The following IPCEF1 variants were observed in gnomAD, a reference collection of about 807,000 sequenced individuals.
IPCEF1 encodes the protein interaction protein for cytohesin exchange factors 1.
IPCEF1 carries 31 observed loss-of-function variants against 50.9 expected under a neutral mutation model. The observed-to-expected ratio is 0.61, with a 90% CI of 0.46 to 0.82. The LOEUF (loss-of-function observed/expected upper bound fraction) is 0.82, where lower values mean the gene tolerates loss of function less well. Among genes scored for constraint, IPCEF1 ranks in the 40% least tolerant of loss-of-function variants. The pLI, the probability that IPCEF1 is intolerant of heterozygous loss-of-function variation, is 0.00. For synonymous variants in IPCEF1, 181 were observed against 192.0 expected (o/e 0.94, Z 0.47); for missense variants, 458 against 514.0 (o/e 0.89, Z 1.05).
chr6:154,272,600 T>C (rs1377178143), intron 2 of IPCEF1, among the ~76,000 whole-genome samples: 1 of 152,250 alleles, frequency 6.6e-6, no homozygotes, highest in Non-Finnish European at 1.5e-5. Flanking sequence ...AGAAAATATG[T>C]TTTGTTAGCA....
intron 2 of IPCEF1, among the ~76,000 whole-genome samples, chr6:154,288,521 G>C (rs1441400631): frequency 1.3e-5 from 2 of 151,918 alleles, no homozygotes; most frequent in South Asian, 2.1e-4. Context: ...AAATTAACCC[G>C]GTGTGGCGGC....
intron 2 of IPCEF1, among the ~76,000 whole-genome samples, chr6:154,286,612 G>C (rs1782366355): frequency 6.6e-6 from 1 of 152,212 alleles, no homozygotes; most frequent in South Asian, 2.1e-4. Context: ...GTGTTTGGAT[G>C]TGTGTAGAAA....
At chr6:154,301,790 G>A (rs575776909) in intron 1 of IPCEF1, among the ~76,000 whole-genome samples, 15 of 152,214 alleles carry the variant, frequency 9.9e-5, no homozygotes, top group Admixed American at 9.8e-4. Context: ...CACATTTTAA[G>A]ATTAAGTATC....
chr6:154,224,572 A>G (rs993076639), intron 5 of IPCEF1, among the ~76,000 whole-genome samples: 1 of 152,100 alleles, frequency 6.6e-6, no homozygotes, highest in African/African-American at 2.4e-5. Flanking sequence ...TTAGCTGGTC[A>G]TGGTGGTGGG....
intron 5 of IPCEF1, among the ~76,000 whole-genome samples, chr6:154,228,036 A>G (rs1219395992): frequency 6.6e-6 from 1 of 152,126 alleles, no homozygotes; most frequent in Non-Finnish European, 1.5e-5. Context: ...AAATCTTGAG[A>G]GAATGACAGT....
intron 1 of IPCEF1, among the ~76,000 whole-genome samples, chr6:154,334,116 G>A (rs1284033277): frequency 6.6e-6 from 1 of 152,198 alleles, no homozygotes; most frequent in Non-Finnish European, 1.5e-5. Flanking sequence ...TTATGGGGTA[G>A]ATGGGTCAGA....
intron 10 of IPCEF1, among the ~76,000 whole-genome samples, chr6:154,195,211 G>A (rs1341477528): frequency 1.4e-5 from 2 of 142,696 alleles, no homozygotes; most frequent in Non-Finnish European, 3.0e-5. Flanking sequence ...GCAGTGGCAC[G>A]ATCTCGGCTC....
At chr6:154,162,053 T>G (rs115237870) in intron 11 of IPCEF1, among the ~76,000 whole-genome samples, 1,988 of 152,294 alleles carry the variant, frequency 0.013, 58 homozygotes, top group African/African-American at 0.045. Context: ...TTCTCCCAAG[T>G]TCCTATTGCC....
At chr6:154,244,614 G>A (rs1374882674) in intron 5 of IPCEF1, among the ~76,000 whole-genome samples, 6 of 152,050 alleles carry the variant, frequency 3.9e-5, no homozygotes, top group Non-Finnish European at 4.4e-5. Context: ...GCTGCTCCTT[G>A]TGGAAGCATG....
chr6:154,197,985 G>T (rs999398716), intron 10 of IPCEF1, among the ~76,000 whole-genome samples: 1 of 152,088 alleles, frequency 6.6e-6, no homozygotes, highest in Non-Finnish European at 1.5e-5. Flanking sequence ...CAAGATAGAG[G>T]TCATCTAGTT....
At position 154,222,335 on chromosome 6, in the gene IPCEF1, G is replaced by A. The variant is rs181268192; in HGVS notation, c.320+835C>T. 2.0e-5 allele frequency among the ~76,000 whole-genome samples: 3 copies of A among 152,234 alleles called. No individual in the cohort carries two copies. In the East Asian group the frequency reaches 5.8e-4, roughly 29 times the overall value. Reference sequence around the variant, plus strand: ...TGGACATGTGCAACCACACCACAGAGGCAAAGACTTAAAGCTAACACCAGT... The same window carrying A: ...TGGACATGTGCAACCACACCACAGAAGCAAAGACTTAAAGCTAACACCAGT... On this transcript the variant is annotated intron_variant, in intron 6 of 11. Coordinates refer to ENST00000367220, the MANE Select transcript of IPCEF1 (RefSeq NM_001130700.2).
chr6:154,250,987 G>A (rs1781323777), intron 3 of IPCEF1, among the ~76,000 whole-genome samples: 1 of 152,022 alleles, frequency 6.6e-6, no homozygotes, highest in Non-Finnish European at 1.5e-5. Context: ...CACTGATAGA[G>A]CTGTTAGGGA....
At chr6:154,352,648 A>G (rs1220675935) in intron 1 of IPCEF1, among the ~76,000 whole-genome samples, 1 of 152,206 alleles carries the variant, frequency 6.6e-6, no homozygotes, top group African/African-American at 2.4e-5. Flanking sequence ...TAAGACAAAG[A>G]CAGAAGATTC....
At chr6:154,312,641 T>C (rs914136190) in intron 1 of IPCEF1, among the ~76,000 whole-genome samples, 2 of 152,038 alleles carry the variant, frequency 1.3e-5, no homozygotes, top group African/African-American at 4.8e-5. Context: ...CCACCGCACC[T>C]GGCCAGAATC....
intron 11 of IPCEF1, among the ~76,000 whole-genome samples, chr6:154,164,743 A>G (rs1037398393): frequency 6.6e-6 from 1 of 152,252 alleles, no homozygotes; most frequent in Non-Finnish European, 1.5e-5. Flanking sequence ...CATAGGTCAG[A>G]GTAACTCAGA....
At chr6:154,255,294 A>T (rs985348586) in intron 3 of IPCEF1, among the ~76,000 whole-genome samples, 9 of 152,002 alleles carry the variant, frequency 5.9e-5, no homozygotes, top group Admixed American at 1.3e-4. Context: ...CTTTATTTTC[A>T]CCTCAAAACT....
At chr6:154,326,267 C>T (rs1783516976) in intron 1 of IPCEF1, among the ~76,000 whole-genome samples, 1 of 151,204 alleles carries the variant, frequency 6.6e-6, no homozygotes, top group Non-Finnish European at 1.5e-5. Flanking sequence ...CATTGTTTCA[C>T]ATAGTAAAAA....
intron 1 of IPCEF1, among the ~76,000 whole-genome samples, chr6:154,320,801 G>A (rs116179366): frequency 0.021 from 3,241 of 152,168 alleles, 124 homozygotes; most frequent in African/African-American, 0.074. Context: ...GAGCCCAGGG[G>A]CTCTAGATCA....
chr6:154,343,531 C>T (rs1425765537), intron 1 of IPCEF1, among the ~76,000 whole-genome samples: 1 of 152,136 alleles, frequency 6.6e-6, no homozygotes, highest in Non-Finnish European at 1.5e-5. Context: ...CTCCCCAAGT[C>T]GCCTCACTTC....
Sources: gnomAD v4.1 joint callset for allele counts (sites outside exome capture counted in the v4.1 genomes callset) on GRCh38, gnomAD v4.1.1 for gene constraint, MANE v1.5 for transcripts, NCBI Gene and HGNC (gene_info 2026-07-23, HGNC 2026-07-21) for gene names.